The following LARGE1 variants were observed in gnomAD, a reference collection of about 807,000 sequenced individuals.
LARGE1 encodes the protein LARGE xylosyl- and glucuronyltransferase 1.
A neutral mutation model predicts 87.6 loss-of-function variants in LARGE1; 43 were observed. The observed-to-expected ratio is 0.49, with a 90% CI of 0.38 to 0.63. The LOEUF is 0.63. LARGE1 is among the 30% of genes least tolerant of loss of function. The pLI, the probability that LARGE1 is intolerant of heterozygous loss-of-function variation, is 0.00. For missense variants in LARGE1, 802 were observed against 1,000.2 expected (o/e 0.80, Z 2.67); for synonymous variants, 434 against 394.6 (o/e 1.10, Z -1.18).
At chr22:33,412,439 C>T (rs8138216) in intron 7 of LARGE1, among the ~76,000 whole-genome samples, 8,311 of 152,130 alleles carry the variant, frequency 0.055, 272 homozygotes, top group African/African-American at 0.1. Flanking sequence ...TTTCAAGCTA[C>T]CAATGCAATG....
intron 6 of LARGE1, among the ~76,000 whole-genome samples, chr22:33,520,608 G>A (rs1490255395): frequency 3.3e-5 from 5 of 152,232 alleles, no homozygotes; most frequent in Non-Finnish European, 5.9e-5. Context: ...TCAGCTTGCA[G>A]CTGCTTTCTG....
intron 1 of LARGE1, among the ~76,000 whole-genome samples, chr22:33,853,732 G>A (rs1240481119): frequency 1.3e-5 from 2 of 152,234 alleles, no homozygotes; most frequent in Non-Finnish European, 2.9e-5. Flanking sequence ...AAACAGCTTG[G>A]TGCCAGAGCA....
chr22:33,719,105 C>CA (rs1193258864), intron 2 of LARGE1, among the ~76,000 whole-genome samples: 1 of 151,876 alleles, frequency 6.6e-6, no homozygotes, highest in African/African-American at 2.4e-5. Context: ...TTGTTTTCAA[C>CA]AAAAAAGTTT....
chr22:33,233,522 G>T (rs1156779230), intron 11 of LARGE1, among the ~76,000 whole-genome samples: 1 of 151,982 alleles, frequency 6.6e-6, no homozygotes, highest in Non-Finnish European at 1.5e-5. Context: ...GGATCGAAAA[G>T]TCTAGGCTGT....
In LARGE1 at chr22:33,677,070, C is replaced by T. The variant is rs529618159; in HGVS notation, c.107-26402G>A. ...AATCGACGGCTCAGAGACCTTCGAC[C>T]ATTTGCACAGGGCCAGCCAGCTCAC... is the stretch of plus-strand genomic sequence containing the variant. On this transcript the variant is annotated intron_variant, in intron 2 of 14. Transcript: ENST00000397394. 3.9e-5 allele frequency among the ~76,000 whole-genome samples: 6 copies of T among 152,190 alleles called. No individual in the cohort carries two copies. The South Asian group carries it at 1.2e-3, about 32-fold the overall frequency.
intron 7 of LARGE1, among the ~76,000 whole-genome samples, chr22:33,429,517 G>T (rs1393153242): frequency 6.6e-6 from 1 of 152,148 alleles, no homozygotes; most frequent in African/African-American, 2.4e-5. Flanking sequence ...CATTTTGGTT[G>T]TAATAAATTC....
At chr22:33,704,193 A>T (rs2082486847) in intron 2 of LARGE1, among the ~76,000 whole-genome samples, 1 of 152,242 alleles carries the variant, frequency 6.6e-6, no homozygotes. Flanking sequence ...TGTATACTGT[A>T]TAAAACAAAG....
chr22:33,730,679 T>A lies in LARGE1; in HGVS notation c.106+30692A>T, dbSNP rs114164047. Reference sequence around the variant, plus strand: ...AGAGGGGGTTGCATTTCTATTTTATTTTATTTTTATTATAATTACTTTTTT... The same window carrying A: ...AGAGGGGGTTGCATTTCTATTTTATATTATTTTTATTATAATTACTTTTTT... On this transcript the variant is annotated intron_variant, in intron 2 of 14. Coordinates refer to ENST00000397394, the MANE Select transcript of LARGE1 (RefSeq NM_133642.5). Among the ~76,000 whole-genome samples the A allele has an allele frequency of 9.6e-3, 1,461 of 152,222 alleles. 27 individuals are homozygous for A. The highest frequency in any genetic ancestry group is 0.033 in the African/African-American group (1,358 of 41,536).
intron 9 of LARGE1, among the ~76,000 whole-genome samples, chr22:33,359,824 A>G (rs1434789430): frequency 6.7e-6 from 1 of 149,172 alleles, no homozygotes; most frequent in Non-Finnish European, 1.5e-5. Context: ...TCGGCCTCCC[A>G]AAGTGCTGGG....
chr22:33,155,249 A>G, the LARGE1 span, among the ~76,000 whole-genome samples: 24 of 152,178 alleles, frequency 1.6e-4, no homozygotes, highest in Non-Finnish European at 2.8e-4. Flanking sequence ...GTTACATTTT[A>G]ACAGGTAGAG....
chr22:33,713,250 TAG>T (rs111794112), intron 2 of LARGE1, among the ~76,000 whole-genome samples: 6,324 of 152,104 alleles, frequency 0.042, 198 homozygotes, highest in South Asian at 0.2. Flanking sequence ...AAGGAATGGA[TAG>T]AGTTGGTTTC....
At chr22:33,138,594 C>G in the LARGE1 span, among the ~76,000 whole-genome samples, 5 of 151,756 alleles carry the variant, frequency 3.3e-5, no homozygotes, top group Admixed American at 6.6e-5. Context: ...CAGGCATGTG[C>G]CACCACGCCT....
intron 11 of LARGE1, among the ~76,000 whole-genome samples, chr22:33,238,283 G>T (rs146934597): frequency 6.6e-6 from 1 of 152,302 alleles, no homozygotes; most frequent in Non-Finnish European, 1.5e-5. Context: ...ATATAAAATA[G>T]AAGTTAGAGA....
chr22:33,613,792 A>T (rs1277732368), intron 4 of LARGE1, among the ~76,000 whole-genome samples: 6 of 152,216 alleles, frequency 3.9e-5, no homozygotes, highest in Non-Finnish European at 8.8e-5. Flanking sequence ...GCACCACCTG[A>T]CACAGTAAGG....
intron 11 of LARGE1, among the ~76,000 whole-genome samples, chr22:33,175,658 CACAA>C (rs1922825464): frequency 6.6e-6 from 1 of 152,058 alleles, no homozygotes; most frequent in South Asian, 2.1e-4. Flanking sequence ...TAAAAGAGAA[CACAA>C]ACAAACGGAA....
chr22:33,656,045 G>A (rs1359464789), intron 2 of LARGE1, among the ~76,000 whole-genome samples: 1 of 143,700 alleles, frequency 7.0e-6, no homozygotes, highest in Non-Finnish European at 1.5e-5. Context: ...AGGGACATGG[G>A]AGCATAAGCA....
chr22:33,918,712 A>C (rs947310723), intron 1 of LARGE1, among the ~76,000 whole-genome samples: 1 of 152,208 alleles, frequency 6.6e-6, no homozygotes, highest in Non-Finnish European at 1.5e-5. Flanking sequence ...AAGTCTATCA[A>C]AGCTGACTCC....
intron 1 of LARGE1, chr22:33,873,043 A>G (rs1454098202): frequency 6.6e-6 from 1 of 151,966 alleles, no homozygotes. Flanking sequence ...ACTAGCTGGG[A>G]AAACACACAA....
chr22:33,462,760 G>A (rs2068431938), intron 6 of LARGE1, among the ~76,000 whole-genome samples: 1 of 152,126 alleles, frequency 6.6e-6, no homozygotes, highest in South Asian at 2.1e-4. Flanking sequence ...CAGCCTGTGT[G>A]ACAGAGCAAG....
Sources: gnomAD v4.1 joint callset for allele counts (sites outside exome capture counted in the v4.1 genomes callset) on GRCh38, gnomAD v4.1.1 for gene constraint, MANE v1.5 for transcripts, NCBI Gene and HGNC (gene_info 2026-07-23, HGNC 2026-07-21) for gene names.